Variants in CCDC175 observed in about 807,000 individuals in gnomAD.
CCDC175 encodes coiled-coil domain containing 175.
CCDC175 carries 100 observed loss-of-function variants against 114.6 expected under a neutral mutation model. That is an observed-to-expected ratio of 0.87 (90% CI 0.74 to 1.03). The LOEUF (loss-of-function observed/expected upper bound fraction) is 1.03, where lower values mean the gene tolerates loss of function less well. Ranked by LOEUF, CCDC175 falls within the 50% of genes least tolerant of loss-of-function variation. The pLI is 0.00. For synonymous variants in CCDC175, 306 were observed against 308.7 expected (o/e 0.99, Z 0.09); for missense variants, 880 against 917.8 (o/e 0.96, Z 0.53).
chr14:59,509,326 G>A (rs569230921), intron 19 of CCDC175, among the ~76,000 whole-genome samples: 19 of 152,208 alleles, frequency 1.2e-4, no homozygotes, highest in African/African-American at 4.1e-4. Flanking sequence ...TTATGCATTC[G>A]TACATCATAA....
At position 59,572,776 on chromosome 14, in the gene CCDC175, A is replaced by G. The variant is rs754739434; in HGVS notation, c.281T>C (p.Ile94Thr). Residue 94 changes from isoleucine to threonine, a missense_variant, in exon 3 of 20, where the codon ATT becomes ACT. Ile to Thr is a moderately conservative substitution (Grantham distance 89). Coordinates refer to ENST00000537690, the MANE Select transcript of CCDC175 (RefSeq NM_001164399.2). ...TAGTTTGTTGAGTTCCATGCTTTCA[A>G]TCTCCAAAAGATCGATTGTGGCTTT... The part of the protein sequence containing the change: ...MRKATIDLLE[I>T]ESMELNKLYY... 2 of 1,518,294 alleles carry G rather than the reference A, an allele frequency of 1.3e-6. No homozygotes were observed. The highest frequency in any genetic ancestry group is 2.5e-5 in the East Asian group (1 of 39,940). The allele number at this position is 1,518,294 out of a possible 1,614,324, so 94.1% of individuals were successfully genotyped here.
At chr14:59,519,319 TA>T (rs1229594863) in intron 17 of CCDC175, among the ~76,000 whole-genome samples, 4 of 149,670 alleles carry the variant, frequency 2.7e-5, no homozygotes, top group African/African-American at 7.4e-5. Flanking sequence ...AGTATAGTAA[TA>T]AAAAAAAAGT....
intron 3 of CCDC175, among the ~76,000 whole-genome samples, chr14:59,569,716 A>G (rs1441950766): frequency 1.3e-5 from 2 of 152,212 alleles, no homozygotes; most frequent in Non-Finnish European, 2.9e-5. Context: ...AACACCAAGC[A>G]TATTTTTTTA....
In CCDC175 at chr14:59,525,402, T is replaced by C; in HGVS notation, c.1875A>G (p.Arg625=). The part of the protein sequence containing the change: ...EDVKQELQQL[R]DQESKKNKDH... ...CTTTGTTTTTTTTGCTTTCTTGATC[T>C]CGTAATTGTTGTAATTCTTGTTTTA... The change falls in exon 16 of 20, where the codon CGA becomes CGG. Residue 625 remains arginine, a synonymous_variant. Coordinates refer to ENST00000537690, the MANE Select transcript of CCDC175 (RefSeq NM_001164399.2). 1.3e-6 allele frequency: 2 copies of C among 1,514,422 alleles called. No individual in the cohort carries two copies. Among genetic ancestry groups the C allele is most frequent in the South Asian group, 2.5e-5 (2 of 79,456 alleles). 93.8% of individuals were successfully genotyped at this position (1,514,422 alleles called of 1,614,324 possible).
intron 14 of CCDC175, among the ~76,000 whole-genome samples, chr14:59,528,425 A>G (rs188795112): frequency 2.6e-5 from 4 of 152,210 alleles, no homozygotes; most frequent in Admixed American, 2.6e-4. Context: ...TTTCTTTGAT[A>G]ATTTTATTAG....
intron 19 of CCDC175, 86 bp downstream of exon 19, chr14:59,510,560 C>T (rs1229955728): frequency 1.5e-6 from 2 of 1,326,174 alleles, no homozygotes; most frequent in Non-Finnish European, 2.1e-6. Flanking sequence ...ACTTAGTTGA[C>T]ACGTTTTTTC....
At position 59,563,843 on chromosome 14, in the gene CCDC175, T is replaced by C. The variant is rs772776602; in HGVS notation, c.737A>G (p.Asn246Ser). 35 of 1,438,986 alleles carry C rather than the reference T, an allele frequency of 2.4e-5. No homozygotes were observed. The highest frequency in any genetic ancestry group is 3.2e-5 in the Non-Finnish European group (35 of 1,102,634). 89.1% of individuals were successfully genotyped at this position (1,438,986 alleles called of 1,614,324 possible). The change falls in exon 6 of 20, where the codon AAT (asparagine) becomes AGT (serine). Residue 246 changes from asparagine (N) to serine (S), a missense_variant. Physicochemically the swap from Asn to Ser is conservative, Grantham distance 46. Coordinates refer to ENST00000537690, the MANE Select transcript of CCDC175 (RefSeq NM_001164399.2). ...ELTAQINEFE[N>S]TREVKRMETY... ...CTCCATTCTCTTTACTTCACGGGTA[T>C]TTTCAAATTCATTAATCTATAGTGA...
intron 19 of CCDC175, among the ~76,000 whole-genome samples, chr14:59,509,879 TTTAAAA>T (rs1470902511): frequency 6.6e-6 from 1 of 152,208 alleles, no homozygotes; most frequent in Non-Finnish European, 1.5e-5. Context: ...GATTATGCTC[TTTAAAA>T]TTAAGCCTTG....
intron 8 of CCDC175, 67 bp downstream of exon 8, chr14:59,551,286 CAT>C: frequency 1.4e-6 from 1 of 714,622 alleles, no homozygotes; most frequent in Non-Finnish European, 2.1e-6. Flanking sequence ...ATATTTCTCA[CAT>C]ATTTTAAACA....
rs150838450 is a variant in CCDC175, at chr14:59,525,380, T to G, written c.1897A>C (p.Lys633Gln). 17 of 1,521,918 alleles carry G rather than the reference T, an allele frequency of 1.1e-5. No homozygotes were observed. The East Asian group carries it at 3.2e-4, about 29-fold the overall frequency. 94.3% of individuals were successfully genotyped at this position (1,521,918 alleles called of 1,614,324 possible). Residue 633 changes from lysine (K) to glutamine (Q), a missense_variant, in exon 16 of 20, where the codon AAA (lysine) becomes CAA (glutamine). Lys to Gln is a moderately conservative substitution (Grantham distance 53, BLOSUM62 1). Coordinates refer to ENST00000537690, the MANE Select transcript of CCDC175 (RefSeq NM_001164399.2). ...QLRDQESKKN[K>Q]DHFETLKNLE... Reference sequence around the variant, plus strand: ...TTCTTTAGAGTTTCAAAATGATCTTTGTTTTTTTTGCTTTCTTGATCTCGT... The same window carrying G: ...TTCTTTAGAGTTTCAAAATGATCTTGGTTTTTTTTGCTTTCTTGATCTCGT...
chr14:59,510,406 A>T (rs560255974), intron 19 of CCDC175: 23 of 369,294 alleles, frequency 6.2e-5, no homozygotes, highest in African/African-American at 1.2e-4. Flanking sequence ...TAAACTTTTT[A>T]AAAAAATTAT....
intron 3 of CCDC175, among the ~76,000 whole-genome samples, chr14:59,571,949 C>T (rs1223928969): frequency 1.3e-5 from 2 of 151,954 alleles, no homozygotes; most frequent in Non-Finnish European, 2.9e-5. Flanking sequence ...AAACCCCAAA[C>T]CTTTTGAGCA....
At chr14:59,520,277 C>A (rs970855968) in intron 17 of CCDC175, among the ~76,000 whole-genome samples, 1 of 152,018 alleles carries the variant, frequency 6.6e-6, no homozygotes, top group Non-Finnish European at 1.5e-5. Context: ...TTAAAATGAC[C>A]AAAATATTAA....
chr14:59,506,368 A>G (rs1479915811), intron 19 of CCDC175, among the ~76,000 whole-genome samples: 1 of 150,374 alleles, frequency 6.7e-6, no homozygotes, highest in Non-Finnish European at 1.5e-5. Flanking sequence ...GCTCACTGCA[A>G]CCTCCACCTC....
intron 14 of CCDC175, among the ~76,000 whole-genome samples, chr14:59,527,582 A>T (rs1893820859): frequency 6.6e-6 from 1 of 152,184 alleles, no homozygotes; most frequent in South Asian, 2.1e-4. Flanking sequence ...AATAAGGATT[A>T]TCCCCGATGA....
rs1228257070 is a variant in CCDC175, at chr14:59,510,787, C to G, written c.2164G>C (p.Glu722Gln). The G allele has an allele frequency of 2.6e-6, 4 of 1,537,210 alleles. No individual in the cohort carries two copies. Among genetic ancestry groups the G allele is most frequent in the Admixed American group, 3.9e-5 (2 of 50,976 alleles). Residue 722 changes from glutamate to glutamine, a missense_variant, in exon 19 of 20, where the codon GAG becomes CAG. Glu to Gln is a conservative substitution (Grantham distance 29, BLOSUM62 2). Coordinates refer to ENST00000537690, the MANE Select transcript of CCDC175 (RefSeq NM_001164399.2). ...TVKILVDNGEETLQDINNLTD... is the reference protein window; with the variant it reads ...TVKILVDNGEQTLQDINNLTD... Reference sequence around the variant, plus strand: ...AGATTGTTTATGTCTTGCAAGGTCTCTTCACCATTGTCCACCAAGATCTAA... The same window carrying G: ...AGATTGTTTATGTCTTGCAAGGTCTGTTCACCATTGTCCACCAAGATCTAA...
chr14:59,522,518 T>C (rs1262562097), intron 16 of CCDC175, among the ~76,000 whole-genome samples: 6 of 152,142 alleles, frequency 3.9e-5, no homozygotes. Flanking sequence ...TGACCATGGG[T>C]CTGCAGACTT....
chr14:59,512,268 T>C (rs554409611), intron 17 of CCDC175, among the ~76,000 whole-genome samples: 87 of 152,346 alleles, frequency 5.7e-4, no homozygotes, highest in African/African-American at 2.1e-3. Flanking sequence ...TCAGTGCAAC[T>C]TACCACACGA....
intron 11 of CCDC175, among the ~76,000 whole-genome samples, chr14:59,539,084 C>T (rs1194407308): frequency 6.6e-6 from 1 of 152,170 alleles, no homozygotes; most frequent in Non-Finnish European, 1.5e-5. Context: ...GCGAACAAAG[C>T]ACACCTGGCA....
Sources: gnomAD v4.1 joint callset for allele counts (sites outside exome capture counted in the v4.1 genomes callset) on GRCh38, gnomAD v4.1.1 for gene constraint, MANE v1.5 for transcripts, NCBI Gene and HGNC (gene_info 2026-07-23, HGNC 2026-07-21) for gene names.